RRP12: variants seen among roughly 807,000 people sequenced by gnomAD.
RRP12 encodes the protein RRP12-like protein.
Under a neutral mutation model 157.3 loss-of-function variants are expected in RRP12, and 78 were observed. The ratio of observed to expected loss-of-function variants is 0.50; its 90% CI spans 0.41 to 0.60. The LOEUF (loss-of-function observed/expected upper bound fraction) is 0.60, where lower values mean the gene tolerates loss of function less well. Ranked by LOEUF, RRP12 falls within the 20% of genes least tolerant of loss-of-function variation. The pLI is 0.00. For missense variants in RRP12, 1,521 were observed against 1,679.9 expected, an observed-to-expected ratio of 0.91 and a Z score of 1.65; for synonymous variants, 726 against 670.9, an observed-to-expected ratio of 1.08 and a Z score of -1.27.
chr10:97,380,919 A>G lies in RRP12; in HGVS notation c.1419-6T>C, dbSNP rs1844449367. 5 of 1,611,498 alleles carry G rather than the reference A, an allele frequency of 3.1e-6. No individual in the cohort carries two copies. Among genetic ancestry groups the G allele is most frequent in the Admixed American group, 1.7e-5 (1 of 59,988 alleles). The stretch of plus-strand genomic sequence containing the variant: ...TCAGGCCCTCCTCCACTGCCCTGCC[A>G]AGGGGGCGGCACAGTCAGGGCCACG... On this transcript the variant is annotated splice_region_variant and splice_polypyrimidine_tract_variant and intron_variant, in intron 12 of 33. Transcript: ENST00000370992.
intron 6 of RRP12, among the ~76,000 whole-genome samples, chr10:97,389,296 T>C (rs1392061281): frequency 1.3e-5 from 2 of 152,112 alleles, no homozygotes; most frequent in Non-Finnish European, 2.9e-5. Flanking sequence ...GGTTTCACTA[T>C]GTTAGCCAGG....
Position 97,379,724 on chromosome 10 carries a change from T to C in RRP12, c.1580A>G (p.His527Arg). ...CACTGCCTGGTCAAGAGCCGCCGTG[T>C]GGGGGAAATGAGGGGAGAGGCGCAG... ...CDLRLSPHFP[H>R]TAALDQAVGA... The change falls in exon 14 of 34, where the codon CAC (histidine) becomes CGC (arginine). Residue 527 changes from histidine (H) to arginine (R), a missense_variant. His to Arg is a conservative substitution (Grantham distance 29). Coordinates refer to ENST00000370992, the MANE Select transcript of RRP12 (RefSeq NM_015179.4). 6.2e-7 allele frequency: 1 copy of C among 1,613,424 alleles called. No individual in the cohort carries two copies. The highest frequency in any genetic ancestry group is 8.5e-7 in the Non-Finnish European group (1 of 1,179,810).
intron 15 of RRP12, 59 bp from the exon 16 acceptor site, chr10:97,373,953 T>A: frequency 6.7e-7 from 1 of 1,499,050 alleles, no homozygotes. Flanking sequence ...AACAGCCTTA[T>A]TTACCAAACC....
intron 27 of RRP12, 43 bp from the exon 28 acceptor site, chr10:97,366,664 CG>C (rs758108387): frequency 3.8e-6 from 6 of 1,597,408 alleles, no homozygotes; most frequent in Non-Finnish European, 5.1e-6. Context: ...CCAGGAGAGG[CG>C]GGGGTCAGCG....
chr10:97,396,164 A>C (rs1844956931), intron 3 of RRP12, 54 bp downstream of exon 3: 1 of 1,303,620 alleles, frequency 7.7e-7, no homozygotes, highest in Non-Finnish European at 1.1e-6. Context: ...CTTCTCGCTA[A>C]ATCTTGCATA....
chr10:97,364,211 G>C (rs1843914016), intron 29 of RRP12, among the ~76,000 whole-genome samples: 1 of 152,122 alleles, frequency 6.6e-6, no homozygotes, highest in Non-Finnish European at 1.5e-5. Context: ...ATCTGTTTGA[G>C]ATTTGAAGAA....
intron 4 of RRP12, among the ~76,000 whole-genome samples, chr10:97,391,648 G>A (rs984500181): frequency 4.0e-5 from 6 of 151,140 alleles, no homozygotes; most frequent in African/African-American, 1.2e-4. Context: ...TCGGCCGGAC[G>A]CAGTGGCTCA....
At chr10:97,361,837 G>A (rs1019260153) in intron 30 of RRP12, among the ~76,000 whole-genome samples, 2 of 152,178 alleles carry the variant, frequency 1.3e-5, no homozygotes, top group African/African-American at 2.4e-5. Context: ...GGCCGGGCCC[G>A]GTGGCTCACG....
intron 17 of RRP12, among the ~76,000 whole-genome samples, 179 bp downstream of exon 17, chr10:97,373,396 G>C (rs372554029): frequency 6.6e-6 from 1 of 152,156 alleles, no homozygotes; most frequent in Non-Finnish European, 1.5e-5. Context: ...GTCCTCGATG[G>C]CTCCAACCCC....
chr10:97,393,707 G>A lies in RRP12; in HGVS notation c.507C>T (p.Tyr169=), dbSNP rs1448031592. ...ESPESLAAVA[Y]LLNLVLKRVP... ...ACCGCTTCAGGACAAGGTTCAGCAG[G>A]TAAGCAACGGCGGCCAGGGACTCCG... Residue 169 remains tyrosine (Y), a synonymous_variant, in exon 4 of 34, where the codon TAC becomes TAT. Transcript: ENST00000370992. The A allele has an allele frequency of 6.2e-7, 1 of 1,614,064 alleles. No individual in the cohort carries two copies. Among genetic ancestry groups the A allele is most frequent in the South Asian group, 1.1e-5 (1 of 91,084 alleles).
intron 23 of RRP12, 79 bp from the exon 24 acceptor site, chr10:97,370,353 G>A: frequency 7.3e-7 from 1 of 1,370,168 alleles, no homozygotes; most frequent in Non-Finnish European, 1.0e-6. Flanking sequence ...GGAGCAGCCT[G>A]CCCAGGGCCA....
At chr10:97,378,402 T>C (rs1213347985) in intron 15 of RRP12, among the ~76,000 whole-genome samples, 2 of 152,110 alleles carry the variant, frequency 1.3e-5, no homozygotes, top group African/African-American at 4.8e-5. Context: ...CTGTACTGAG[T>C]GCTGCAACTG....
chr10:97,367,237 G>C, intron 25 of RRP12, 105 bp from the exon 26 acceptor site: 1 of 985,338 alleles, frequency 1.0e-6, no homozygotes, highest in East Asian at 2.5e-5. Context: ...CCAGCTGAGG[G>C]GAGGGTTAGC....
At position 97,373,570 on chromosome 10, in the gene RRP12, C is replaced by G. The variant is rs376467746; in HGVS notation, c.2026+5G>C. 3 of 1,592,138 alleles carry G rather than the reference C, an allele frequency of 1.9e-6. No homozygotes were observed. Among genetic ancestry groups the G allele is most frequent in the East Asian group, 2.2e-5 (1 of 44,520 alleles). ...CCAGCCCCCACTCCCACAGCCCACA[C>G]GTACCTGCCTGGCAGCCCTTGGTGA... On this transcript the variant is annotated splice_donor_5th_base_variant and intron_variant, in intron 17 of 33. Transcript: ENST00000370992.
chr10:97,390,695 G>T, intron 5 of RRP12, 44 bp downstream of exon 5: 2 of 1,471,024 alleles, frequency 1.4e-6, no homozygotes, highest in Non-Finnish European at 1.9e-6. Flanking sequence ...AATCAGACAG[G>T]CTCTGGGAGT....
At chr10:97,363,708 G>T (rs1349371138) in intron 30 of RRP12, 146 bp downstream of exon 30, 1 of 763,208 alleles carries the variant, frequency 1.3e-6, no homozygotes, top group Non-Finnish European at 2.3e-6. Flanking sequence ...CAACCTTCTG[G>T]ACCGCCTGCT....
intron 6 of RRP12, among the ~76,000 whole-genome samples, chr10:97,389,526 G>A (rs1272544918): frequency 6.6e-6 from 1 of 152,040 alleles, no homozygotes; most frequent in African/African-American, 2.4e-5. Flanking sequence ...CTGGGCTGAC[G>A]GTGCTTAGCA....
intron 3 of RRP12, among the ~76,000 whole-genome samples, chr10:97,395,242 A>G (rs1236359294): frequency 1.3e-5 from 2 of 151,848 alleles, no homozygotes; most frequent in South Asian, 2.1e-4. Flanking sequence ...ATACACAAAT[A>G]TATTTATTTA....
rs762556732 is a variant in RRP12, at chr10:97,379,371, G to C, written c.1720C>G (p.Arg574Gly). The C allele has an allele frequency of 1.4e-5, 23 of 1,613,978 alleles. No homozygotes were observed. Among genetic ancestry groups the C allele is most frequent in the Non-Finnish European group, 1.9e-5 (22 of 1,179,970 alleles). ...FPRSWLLPVI[R>G]DHVQETRLGF... ...AGTCGCGTTTCCTGAACATGGTCTC[G>C]GATGACAGGCAGCAGCCAGCTCCGT... is the stretch of plus-strand genomic sequence containing the variant. Residue 574 changes from arginine to glycine, a missense_variant, in exon 15 of 34, where the codon CGA becomes GGA. Physicochemically the swap from Arg to Gly is moderately radical, Grantham distance 125 (BLOSUM62 -2). Transcript: ENST00000370992.
Sources: gnomAD v4.1 joint callset for allele counts (sites outside exome capture counted in the v4.1 genomes callset) on GRCh38, gnomAD v4.1.1 for gene constraint, MANE v1.5 for transcripts, NCBI Gene and HGNC (gene_info 2026-07-23, HGNC 2026-07-21) for gene names.